The following COPS3 variants were observed in gnomAD, a reference collection of about 807,000 sequenced individuals.
COPS3 encodes COP9 signalosome complex subunit 3.
In COPS3, 10 loss-of-function variants were observed where a neutral mutation model predicts 58.2. The observed-to-expected ratio is 0.17, with a 90% CI of 0.11 to 0.29. The LOEUF is 0.29. Ranked by LOEUF, COPS3 falls within the 10% of genes least tolerant of loss-of-function variation. The probability of loss-of-function intolerance (pLI) is 1.00; values close to 1 mark genes in which losing one functional copy is unlikely to be tolerated. For synonymous variants in COPS3, 187 were observed against 181.7 expected, an observed-to-expected ratio of 1.03 and a Z score of -0.24; for missense variants, 333 against 510.1, an observed-to-expected ratio of 0.65 and a Z score of 3.34.
intron 8 of COPS3, among the ~76,000 whole-genome samples, chr17:17,256,629 C>A (rs1458051159): frequency 6.6e-6 from 1 of 151,906 alleles, no homozygotes; most frequent in Non-Finnish European, 1.5e-5. Flanking sequence ...GAGATGGAGT[C>A]TTGCTCTGTT....
At chr17:17,253,752 C>A (rs758649391) in intron 9 of COPS3, among the ~76,000 whole-genome samples, 1 of 152,146 alleles carries the variant, frequency 6.6e-6, no homozygotes, top group Non-Finnish European at 1.5e-5. Flanking sequence ...GATCTCATCA[C>A]AGATAAGCAG....
At chr17:17,280,911 G>A (rs999334183) in intron 1 of COPS3, 90 of 916,000 alleles carry the variant, frequency 9.8e-5, no homozygotes, top group Non-Finnish European at 1.2e-4. Flanking sequence ...GGCGGCCCGA[G>A]GGAGGGGAGG....
intron 8 of COPS3, among the ~76,000 whole-genome samples, chr17:17,257,511 T>G (rs1211187780): frequency 6.6e-6 from 1 of 151,818 alleles, no homozygotes; most frequent in African/African-American, 2.4e-5. Context: ...GAAAAACATC[T>G]ACTAGGCCGG....
chr17:17,253,475 G>A (rs1350128719), intron 9 of COPS3, among the ~76,000 whole-genome samples: 1 of 152,150 alleles, frequency 6.6e-6, no homozygotes, highest in Non-Finnish European at 1.5e-5. Flanking sequence ...GCTGAGAGTG[G>A]GGAAATGCAA....
intron 7 of COPS3, among the ~76,000 whole-genome samples, chr17:17,261,293 G>A (rs1270252116): frequency 3.3e-5 from 5 of 152,250 alleles, no homozygotes; most frequent in African/African-American, 4.8e-5. Context: ...TTGGGAGGCC[G>A]AGGCGGGTGG....
intron 2 of COPS3, among the ~76,000 whole-genome samples, chr17:17,274,028 G>C (rs547348304): frequency 9.4e-4 from 143 of 152,308 alleles, no homozygotes; most frequent in African/African-American, 3.3e-3. Context: ...AAAGAACAGA[G>C]AGCATGCATG....
intron 9 of COPS3, among the ~76,000 whole-genome samples, chr17:17,254,441 TCTC>T (rs2047917740): frequency 6.6e-6 from 1 of 152,094 alleles, no homozygotes; most frequent in Admixed American, 6.5e-5. Flanking sequence ...CCCCCGCTTT[TCTC>T]CTTTTTAATA....
intron 1 of COPS3, among the ~76,000 whole-genome samples, chr17:17,280,126 C>T (rs779485920): frequency 6.6e-6 from 1 of 151,716 alleles, no homozygotes; most frequent in African/African-American, 2.4e-5. Context: ...AAATTAGCCG[C>T]GTGGGCTGGC....
At chr17:17,261,935 G>C (rs372718839) in intron 7 of COPS3, 31 bp downstream of exon 7, 5 of 1,550,590 alleles carry the variant, frequency 3.2e-6, no homozygotes, top group East Asian at 4.5e-5. Context: ...ACATGCTCAC[G>C]TAAGAAATCA....
intron 1 of COPS3, chr17:17,280,920 G>T: frequency 2.3e-6 from 2 of 887,662 alleles, no homozygotes; most frequent in Non-Finnish European, 3.3e-6. Context: ...AGGGAGGGGA[G>T]GCCGGCCGGC....
At chr17:17,273,854 C>T (rs894880824) in intron 2 of COPS3, among the ~76,000 whole-genome samples, 2 of 151,816 alleles carry the variant, frequency 1.3e-5, no homozygotes, top group African/African-American at 4.8e-5. Flanking sequence ...CTTGTCCCCC[C>T]AAAAGAAAAA....
chr17:17,269,529 G>A (rs982957285), intron 4 of COPS3, among the ~76,000 whole-genome samples: 2 of 152,172 alleles, frequency 1.3e-5, no homozygotes, highest in Non-Finnish European at 2.9e-5. Flanking sequence ...CTGGAAGGTG[G>A]AGGTTGCAGT....
intron 9 of COPS3, among the ~76,000 whole-genome samples, chr17:17,249,915 A>G (rs576558584): frequency 6.6e-6 from 1 of 152,196 alleles, no homozygotes; most frequent in Non-Finnish European, 1.5e-5. Context: ...GGCATGGGCC[A>G]CCACATCTGG....
chr17:17,281,098 C>T lies in COPS3; in HGVS notation c.55+34G>A, dbSNP rs770155209. ...GGGATCCAGGCCAGTTCCCGGTACC[C>T]GCCCATGCCCAGCCCGGCGGCCTAG... On this transcript the variant is annotated intron_variant, in intron 1 of 11. Transcript: ENST00000268717. The T allele has an allele frequency of 1.9e-6, 3 of 1,596,698 alleles. No individual in the cohort carries two copies. The South Asian group carries it at 3.4e-5, about 18-fold the overall frequency.
At chr17:17,247,759 C>T (rs1483095453) in intron 10 of COPS3, 199 bp from the exon 11 acceptor site, 1 of 496,338 alleles carries the variant, frequency 2.0e-6, no homozygotes, top group African/African-American at 1.9e-5. Flanking sequence ...AATATCCCAC[C>T]CAGCAGGATC....
chr17:17,253,806 T>C (rs563310871), intron 9 of COPS3, among the ~76,000 whole-genome samples: 14 of 152,204 alleles, frequency 9.2e-5, no homozygotes, highest in African/African-American at 3.1e-4. Flanking sequence ...CCAAAAATAT[T>C]TCATGAGGGT....
chr17:17,255,364 G>C (rs143318679), intron 8 of COPS3, among the ~76,000 whole-genome samples: 174 of 151,884 alleles, frequency 1.1e-3, no homozygotes, highest in Non-Finnish European at 2.0e-3. Context: ...TGTAGTCCCA[G>C]CTACTTGGGA....
Position 17,264,993 on chromosome 17 carries a change from T to C in COPS3, c.442-12A>G, listed in dbSNP as rs1205144968. On this transcript the variant is annotated splice_polypyrimidine_tract_variant and intron_variant, in intron 5 of 11. Transcript: ENST00000268717. ...GCTAGCAAACAAAGCTGTGAACAAATTGATATTAAATCATCACTTTAATTT... is the reference window on the plus strand; with the variant it reads ...GCTAGCAAACAAAGCTGTGAACAAACTGATATTAAATCATCACTTTAATTT... 3 of 1,604,578 alleles carry C rather than the reference T, an allele frequency of 1.9e-6. No individual in the cohort carries two copies. Among genetic ancestry groups the C allele is most frequent in the African/African-American group, 2.7e-5 (2 of 74,400 alleles).
chr17:17,250,105 C>A (rs1348813610), intron 9 of COPS3, among the ~76,000 whole-genome samples: 1 of 152,120 alleles, frequency 6.6e-6, no homozygotes, highest in Non-Finnish European at 1.5e-5. Context: ...CCAATCTGTT[C>A]TTGTCTCGTA....
Sources: gnomAD v4.1 joint callset for allele counts (sites outside exome capture counted in the v4.1 genomes callset) on GRCh38, gnomAD v4.1.1 for gene constraint, MANE v1.5 for transcripts, NCBI Gene and HGNC (gene_info 2026-07-23, HGNC 2026-07-21) for gene names.